ROBO2: variants seen among roughly 807,000 people sequenced by gnomAD.
ROBO2 encodes roundabout homolog 2.
In ROBO2, 53 loss-of-function variants were observed where a neutral mutation model predicts 160.8. The ratio of observed to expected loss-of-function variants is 0.33; its 90% CI spans 0.26 to 0.41. ROBO2 has a LOEUF of 0.41. Among genes scored for constraint, ROBO2 ranks in the 10% least tolerant of loss-of-function variants. The probability of loss-of-function intolerance (pLI) is 1.00; values close to 1 mark genes in which losing one functional copy is unlikely to be tolerated. For synonymous variants in ROBO2, 664 were observed against 611.7 expected, an observed-to-expected ratio of 1.09 and a Z score of -1.26; for missense variants, 1,577 against 1,722.4, an observed-to-expected ratio of 0.92 and a Z score of 1.49.
chr3:76,728,571 C>G (rs996909494), intron 2 of ROBO2, among the ~76,000 whole-genome samples: 1 of 152,022 alleles, frequency 6.6e-6, no homozygotes, highest in African/African-American at 2.4e-5. Flanking sequence ...TTCTATAAAA[C>G]AGTTTTCACT....
At chr3:76,767,110 A>C (rs560432295) in intron 2 of ROBO2, among the ~76,000 whole-genome samples, 1 of 151,608 alleles carries the variant, frequency 6.6e-6, no homozygotes, top group African/African-American at 2.4e-5. Context: ...CACCTAAAAT[A>C]GTTGTATCAC....
At chr3:76,725,135 A>C (rs887057782) in intron 2 of ROBO2, among the ~76,000 whole-genome samples, 9 of 152,180 alleles carry the variant, frequency 5.9e-5, no homozygotes, top group Non-Finnish European at 1.3e-4. Context: ...GTTTGTGGTC[A>C]TTTATTATAG....
chr3:76,915,687 A>AC (rs2076260086), intron 2 of ROBO2, among the ~76,000 whole-genome samples: 1 of 150,446 alleles, frequency 6.6e-6, no homozygotes, highest in South Asian at 2.1e-4. Flanking sequence ...AAAAAAAAAA[A>AC]GAAAAAAAAA....
At chr3:76,279,548 A>G (rs967036948) in intron 2 of ROBO2, among the ~76,000 whole-genome samples, 1 of 151,964 alleles carries the variant, frequency 6.6e-6, no homozygotes, top group Non-Finnish European at 1.5e-5. Context: ...AGGCCAATTT[A>G]TAGAGATTAG....
intron 23 of ROBO2, among the ~76,000 whole-genome samples, chr3:77,625,873 C>T (rs1035838885): frequency 2.0e-5 from 3 of 152,112 alleles, no homozygotes; most frequent in African/African-American, 7.2e-5. Flanking sequence ...GTTTGCTGAT[C>T]CCTATTATAA....
At position 76,290,335 on chromosome 3, in the gene ROBO2, A is replaced by T. The variant is rs4856025; in HGVS notation, c.109+352733A>T. On this transcript the variant is annotated intron_variant, in intron 2 of 26. Coordinates refer to the ROBO2 transcript ENST00000487694. ...ATTTGGTTGTTTATTTGGCTCTCAGATTAGATATTGGATGCTTTTTGTACA... is the reference window on the plus strand; with the variant it reads ...ATTTGGTTGTTTATTTGGCTCTCAGTTTAGATATTGGATGCTTTTTGTACA... Among the ~76,000 whole-genome samples, 13 of 151,998 alleles carry T rather than the reference A, an allele frequency of 8.6e-5. No individual in the cohort carries two copies. The South Asian group carries it at 2.7e-3, about 32-fold the overall frequency.
intron 2 of ROBO2, among the ~76,000 whole-genome samples, chr3:76,010,683 G>A (rs915030112): frequency 6.6e-6 from 1 of 152,182 alleles, no homozygotes; most frequent in African/African-American, 2.4e-5. Flanking sequence ...AAGAAATGTA[G>A]TTTAAAATTA....
At chr3:76,970,657 G>A (rs560340932) in intron 2 of ROBO2, among the ~76,000 whole-genome samples, 2 of 152,242 alleles carry the variant, frequency 1.3e-5, no homozygotes, top group Admixed American at 6.5e-5. Context: ...TTCAGCCAAT[G>A]AATCAATGGA....
chr3:76,865,493 C>G (rs565680795), intron 2 of ROBO2, among the ~76,000 whole-genome samples: 1 of 152,164 alleles, frequency 6.6e-6, no homozygotes, highest in Non-Finnish European at 1.5e-5. Context: ...AGTAGTACTG[C>G]TTTACACCGT....
In ROBO2 at chr3:77,470,541, G is replaced by A. The variant is rs574854093; in HGVS notation, c.389-6873G>A. Among the ~76,000 whole-genome samples the A allele has an allele frequency of 3.3e-5, 5 of 152,170 alleles. No homozygotes were observed. The South Asian group carries it at 6.2e-4, about 19-fold the overall frequency. On this transcript the variant is annotated intron_variant, in intron 2 of 25. Coordinates refer to ENST00000461745, the Ensembl canonical transcript of ROBO2. ...CAATGACCTATTCTATATCCATGAC[G>A]CTATCTTTGGCACATAGTATGTACT...
At chr3:77,331,340 G>T (rs1045083887) in intron 2 of ROBO2, among the ~76,000 whole-genome samples, 1 of 152,176 alleles carries the variant, frequency 6.6e-6, no homozygotes, top group Non-Finnish European at 1.5e-5. Flanking sequence ...TAGGGAGACT[G>T]TTTAATGAGG....
intron 2 of ROBO2, among the ~76,000 whole-genome samples, chr3:76,952,217 AC>A (rs1325431819): frequency 1.3e-5 from 2 of 152,222 alleles, no homozygotes; most frequent in East Asian, 3.8e-4. Flanking sequence ...TTGCCAATGG[AC>A]AAAAATAATT....
intron 16 of ROBO2, among the ~76,000 whole-genome samples, chr3:77,583,130 AC>A (rs1445479079): frequency 7.2e-6 from 1 of 139,516 alleles, no homozygotes; most frequent in Non-Finnish European, 1.5e-5. Context: ...AGTCTGGGTC[AC>A]TGAGCGAGAC....
chr3:76,418,273 C>T (rs2075838942), intron 2 of ROBO2, among the ~76,000 whole-genome samples: 1 of 151,176 alleles, frequency 6.6e-6, no homozygotes, highest in South Asian at 2.1e-4. Flanking sequence ...GAGATGGAGT[C>T]TTGTTCTGCC....
intron 2 of ROBO2, among the ~76,000 whole-genome samples, chr3:77,336,444 C>CT (rs2066504815): frequency 6.6e-6 from 1 of 151,988 alleles, no homozygotes; most frequent in Non-Finnish European, 1.5e-5. Context: ...GTTCATCTTC[C>CT]TTTTTTCTCC....
intron 2 of ROBO2, among the ~76,000 whole-genome samples, chr3:76,276,381 A>G (rs2107653198): frequency 6.6e-6 from 1 of 152,182 alleles, no homozygotes; most frequent in African/African-American, 2.4e-5. Context: ...CAATCACACT[A>G]GCCATATTTC....
intron 2 of ROBO2, among the ~76,000 whole-genome samples, chr3:76,868,572 G>C (rs1056293372): frequency 7.9e-5 from 12 of 152,134 alleles, no homozygotes; most frequent in African/African-American, 2.9e-4. Flanking sequence ...GATCTAAGTT[G>C]CCTCTGTTGC....
In ROBO2 at chr3:77,503,732, A is replaced by G. The variant is rs529955134; in HGVS notation, c.806+10350A>G. ...TTCTAGGCTATATATTTTCTACCCA[A>G]TAAATATTTTTTTCATTTTTTTAAA... is the stretch of plus-strand genomic sequence containing the variant. On this transcript the variant is annotated intron_variant, in intron 5 of 25. Coordinates refer to ENST00000461745, the Ensembl canonical transcript of ROBO2. Among the ~76,000 whole-genome samples the G allele has an allele frequency of 3.9e-4, 59 of 151,866 alleles. 1 individual carries two copies. Among genetic ancestry groups the G allele is most frequent in the African/African-American group, 1.3e-3 (54 of 41,342 alleles).
intron 2 of ROBO2, among the ~76,000 whole-genome samples, chr3:76,373,790 G>A (rs2076216458): frequency 6.6e-6 from 1 of 151,966 alleles, no homozygotes; most frequent in South Asian, 2.1e-4. Context: ...GAGTCTGTTG[G>A]TCATGTGAGC....
Sources: gnomAD v4.1 joint callset for allele counts (sites outside exome capture counted in the v4.1 genomes callset) on GRCh38, gnomAD v4.1.1 for gene constraint, MANE v1.5 for transcripts, NCBI Gene and HGNC (gene_info 2026-07-23, HGNC 2026-07-21) for gene names.